Variants in MCC observed in about 807,000 individuals in gnomAD.
The protein encoded by MCC is MCC regulator of Wnt signaling pathway, also known as colorectal mutant cancer protein.
Under a neutral mutation model 116.2 loss-of-function variants are expected in MCC, and 90 were observed. That is an observed-to-expected ratio of 0.77 (90% CI 0.65 to 0.92). The LOEUF is 0.92. Ranked by LOEUF, MCC falls within the 40% of genes least tolerant of loss-of-function variation. MCC has a pLI of 0.00. For synonymous variants in MCC, 578 were observed against 510.5 expected (o/e 1.13, Z -1.78); for missense variants, 1,516 against 1,312.2 (o/e 1.16, Z -2.40).
At chr5:113,417,544 C>CA (rs11392830) in intron 1 of MCC, among the ~76,000 whole-genome samples, 69,416 of 152,074 alleles carry the variant, frequency 0.46, 17,824 homozygotes, top group African/African-American at 0.69. Flanking sequence ...ACAACCATGA[C>CA]AAACTTGGAA....
chr5:113,285,904 T>C (rs1007961753), intron 3 of MCC, among the ~76,000 whole-genome samples: 2 of 152,178 alleles, frequency 1.3e-5, no homozygotes, highest in African/African-American at 2.4e-5. Context: ...GGTTACAAGA[T>C]AATAAATTAC....
chr5:113,453,358 T>G (rs896034583), intron 1 of MCC, among the ~76,000 whole-genome samples: 1 of 152,026 alleles, frequency 6.6e-6, no homozygotes, highest in Non-Finnish European at 1.5e-5. Flanking sequence ...GTAGAACAGC[T>G]TTTTTAAACA....
chr5:113,397,131 A>G (rs1769547680), intron 1 of MCC, among the ~76,000 whole-genome samples: 1 of 152,254 alleles, frequency 6.6e-6, no homozygotes, highest in African/African-American at 2.4e-5. Flanking sequence ...TGATAATAAC[A>G]TGAAGAGTTA....
chr5:113,479,916 G>A (rs898744318), intron 1 of MCC, among the ~76,000 whole-genome samples: 2 of 152,098 alleles, frequency 1.3e-5, no homozygotes, highest in Non-Finnish European at 2.9e-5. Context: ...GTGTTCCAGA[G>A]TTACTGTTTC....
chr5:113,303,899 C>A (rs563398816), intron 3 of MCC, among the ~76,000 whole-genome samples: 49 of 152,224 alleles, frequency 3.2e-4, no homozygotes, highest in African/African-American at 1.1e-3. Context: ...AGGTGATCCA[C>A]CCGCCTCGGC....
At chr5:113,235,954 G>A (rs148771915) in intron 3 of MCC, among the ~76,000 whole-genome samples, 24 of 152,320 alleles carry the variant, frequency 1.6e-4, no homozygotes, top group African/African-American at 5.5e-4. Context: ...AAGTTTTAGA[G>A]AGTTCAGAAG....
chr5:113,478,152 G>T (rs1772282549), intron 1 of MCC, among the ~76,000 whole-genome samples: 1 of 152,200 alleles, frequency 6.6e-6, no homozygotes, highest in African/African-American at 2.4e-5. Context: ...TAGTGGCAGA[G>T]CCTAGAGGGA....
intron 3 of MCC, among the ~76,000 whole-genome samples, chr5:113,250,987 C>T (rs6888602): frequency 0.16 from 24,122 of 152,192 alleles, 2,250 homozygotes; most frequent in Admixed American, 0.29. Flanking sequence ...AGGATTTATA[C>T]CTTTTCCTTA....
chr5:113,481,930 A>C (rs986285260), intron 1 of MCC, among the ~76,000 whole-genome samples: 1 of 152,140 alleles, frequency 6.6e-6, no homozygotes, highest in African/African-American at 2.4e-5. Context: ...TCATTCATCT[A>C]TTCTTCCCAT....
chr5:113,247,102 C>A (rs1202325956), intron 3 of MCC, among the ~76,000 whole-genome samples: 1 of 152,194 alleles, frequency 6.6e-6, no homozygotes, highest in African/African-American at 2.4e-5. Context: ...AAGGTAACGT[C>A]TTAAGACATG....
chr5:113,278,351 A>G (rs897960199), intron 3 of MCC, among the ~76,000 whole-genome samples: 1 of 152,218 alleles, frequency 6.6e-6, no homozygotes, highest in African/African-American at 2.4e-5. Flanking sequence ...GTCAGGCACT[A>G]TTAGGCACTA....
intron 3 of MCC, chr5:113,269,099 G>T: frequency 2.3e-6 from 2 of 865,222 alleles, no homozygotes; most frequent in Non-Finnish European, 2.8e-6. Flanking sequence ...AGAAGACAGG[G>T]ATGAAGGAAA....
At chr5:113,346,216 A>G (rs986663543) in intron 2 of MCC, among the ~76,000 whole-genome samples, 25 of 152,188 alleles carry the variant, frequency 1.6e-4, no homozygotes, top group African/African-American at 5.8e-4. Context: ...AAGCACGCCT[A>G]CAAGATCTAG....
At chr5:113,444,750 T>G (rs1023707588) in intron 1 of MCC, among the ~76,000 whole-genome samples, 4 of 152,200 alleles carry the variant, frequency 2.6e-5, no homozygotes, top group African/African-American at 9.6e-5. Flanking sequence ...GCTCTTTTAG[T>G]TTAGTGGTTC....
At chr5:113,096,433 C>T (rs1178123056) in intron 8 of MCC, among the ~76,000 whole-genome samples, 3 of 152,244 alleles carry the variant, frequency 2.0e-5, no homozygotes, top group Admixed American at 6.5e-5. Flanking sequence ...CTGACACACA[C>T]GTGTGGGGTC....
At chr5:113,419,692 T>C (rs914432410) in intron 1 of MCC, among the ~76,000 whole-genome samples, 28 of 151,474 alleles carry the variant, frequency 1.8e-4, no homozygotes, top group African/African-American at 6.6e-4. Context: ...TATGCAGCCA[T>C]AAAAAATGAT....
At chr5:113,283,926 C>T (rs1224054926) in intron 3 of MCC, among the ~76,000 whole-genome samples, 7 of 152,118 alleles carry the variant, frequency 4.6e-5, no homozygotes, top group African/African-American at 7.2e-5. Flanking sequence ...TACATGAAGA[C>T]GATGAAGATG....
intron 3 of MCC, among the ~76,000 whole-genome samples, chr5:113,289,955 C>T (rs950459473): frequency 6.6e-6 from 1 of 152,134 alleles, no homozygotes; most frequent in Non-Finnish European, 1.5e-5. Context: ...AGGCAGAGGA[C>T]TATAAAGAGG....
At chr5:113,440,388 C>T (rs1180143981) in intron 1 of MCC, among the ~76,000 whole-genome samples, 2 of 152,122 alleles carry the variant, frequency 1.3e-5, no homozygotes, top group South Asian at 2.1e-4. Flanking sequence ...CACCCACCCC[C>T]AGGCAGACCC....
Sources: gnomAD v4.1 joint callset for allele counts (sites outside exome capture counted in the v4.1 genomes callset) on GRCh38, gnomAD v4.1.1 for gene constraint, MANE v1.5 for transcripts, NCBI Gene and HGNC (gene_info 2026-07-23, HGNC 2026-07-21) for gene names.